The following PHTF2 variants were observed in gnomAD, a reference collection of about 807,000 sequenced individuals.
PHTF2 encodes the protein protein PHTF2.
A neutral mutation model predicts 101.2 loss-of-function variants in PHTF2; 60 were observed. The observed-to-expected ratio is 0.59, with a 90% CI of 0.48 to 0.73. The LOEUF (loss-of-function observed/expected upper bound fraction) is 0.73, where lower values mean the gene tolerates loss of function less well. Among genes scored for constraint, PHTF2 ranks in the 30% least tolerant of loss-of-function variants. The probability of loss-of-function intolerance (pLI) is 0.00; values close to 1 mark genes in which losing one functional copy is unlikely to be tolerated. For synonymous variants in PHTF2, 311 were observed against 307.3 expected (o/e 1.01, Z -0.13); for missense variants, 747 against 908.7 (o/e 0.82, Z 2.29).
At chr7:77,799,444 C>T (rs1053383813) in intron 1 of PHTF2, among the ~76,000 whole-genome samples, 3 of 152,126 alleles carry the variant, frequency 2.0e-5, no homozygotes, top group African/African-American at 4.8e-5. Context: ...GAGGGGGCGG[C>T]GGCTCGCGCG....
chr7:77,821,547 G>A (rs748961607), intron 1 of PHTF2, among the ~76,000 whole-genome samples: 28 of 152,046 alleles, frequency 1.8e-4, no homozygotes, highest in Non-Finnish European at 3.7e-4. Context: ...GGGAGCTCAG[G>A]AGTGTGTCCA....
intron 2 of PHTF2, among the ~76,000 whole-genome samples, chr7:77,845,021 G>C (rs1452031036): frequency 1.3e-5 from 2 of 152,220 alleles, no homozygotes; most frequent in Non-Finnish European, 2.9e-5. Context: ...GGAGAAACCA[G>C]AATAGTTTTT....
At chr7:77,915,603 A>T (rs1802837539) in intron 9 of PHTF2, among the ~76,000 whole-genome samples, 1 of 152,176 alleles carries the variant, frequency 6.6e-6, no homozygotes, top group Non-Finnish European at 1.5e-5. Context: ...GCAATTTACA[A>T]AAAAACATTT....
intron 9 of PHTF2, among the ~76,000 whole-genome samples, chr7:77,915,012 A>G (rs1802773670): frequency 1.3e-5 from 2 of 151,244 alleles, no homozygotes. Flanking sequence ...CCCGGGTTCA[A>G]GTGATTCTTC....
chr7:77,931,786 G>C (rs1283301657), intron 12 of PHTF2, among the ~76,000 whole-genome samples: 2 of 152,188 alleles, frequency 1.3e-5, no homozygotes, highest in Non-Finnish European at 2.9e-5. Flanking sequence ...GCCAATAATA[G>C]TGGAATTAAT....
chr7:77,949,297 A>G (rs1484565171), intron 16 of PHTF2, among the ~76,000 whole-genome samples: 1 of 152,148 alleles, frequency 6.6e-6, no homozygotes, highest in Non-Finnish European at 1.5e-5. Flanking sequence ...AAAAAATTAT[A>G]TAGTTCAAGG....
intron 9 of PHTF2, among the ~76,000 whole-genome samples, chr7:77,918,491 A>C (rs547772299): frequency 7.2e-5 from 11 of 152,236 alleles, no homozygotes; most frequent in Admixed American, 3.9e-4. Context: ...AACCTTTATA[A>C]ATACCTTTCC....
At chr7:77,812,343 G>T (rs1793505400) in intron 1 of PHTF2, among the ~76,000 whole-genome samples, 3 of 152,116 alleles carry the variant, frequency 2.0e-5, no homozygotes, top group Admixed American at 2.0e-4. Context: ...TAATTTTGAG[G>T]CAAGTTTTCC....
At chr7:77,888,200 C>T (rs1337262928) in intron 3 of PHTF2, among the ~76,000 whole-genome samples, 3 of 152,150 alleles carry the variant, frequency 2.0e-5, no homozygotes, top group Admixed American at 6.5e-5. Flanking sequence ...CCGCAACTTC[C>T]TCCTCCCGGG....
chr7:77,798,979 C>G lies in PHTF2; in HGVS notation c.-36+8C>G, dbSNP rs983498218. 1.1e-4 allele frequency: 17 copies of G among 152,640 alleles called. No individual in the cohort carries two copies. The highest frequency in any genetic ancestry group is 3.4e-4 in the African/African-American group (14 of 41,444). The allele number at this position is 152,640 out of a possible 1,614,324, so 9.5% of individuals were successfully genotyped here. On this transcript the variant is annotated splice_region_variant and intron_variant, in intron 1 of 19. Transcript: ENST00000416283. ...GCGGCGCTCGCTCCTACGGTAAGAG[C>G]GGCATCACCTCCGCGCTCGGGTGGG... is the stretch of plus-strand genomic sequence containing the variant.
intron 16 of PHTF2, among the ~76,000 whole-genome samples, chr7:77,948,575 G>C (rs1267024897): frequency 6.6e-6 from 1 of 152,024 alleles, no homozygotes; most frequent in African/African-American, 2.4e-5. Flanking sequence ...ATAGAACTAA[G>C]TTCTACAAAT....
At chr7:77,864,364 A>AACAAAAATTT (rs1476117508) in intron 3 of PHTF2, among the ~76,000 whole-genome samples, 1 of 152,208 alleles carries the variant, frequency 6.6e-6, no homozygotes, top group African/African-American at 2.4e-5. Context: ...ATTTATCTTA[A>AACAAAAATTT]ACAAAAATTT....
chr7:77,922,941 T>G, intron 11 of PHTF2, 163 bp downstream of exon 10: 2 of 1,362,250 alleles, frequency 1.5e-6, no homozygotes, highest in Non-Finnish European at 1.9e-6. Context: ...AGTTTTAGGT[T>G]TACGTATTGC....
intron 7 of PHTF2, among the ~76,000 whole-genome samples, chr7:77,908,285 C>T (rs1260949575): frequency 6.6e-6 from 1 of 152,044 alleles, no homozygotes; most frequent in Non-Finnish European, 1.5e-5. Flanking sequence ...ACAAGATTTC[C>T]CTTCATGTAG....
At chr7:77,888,654 T>A (rs1800087316) in intron 3 of PHTF2, among the ~76,000 whole-genome samples, 1 of 152,244 alleles carries the variant, frequency 6.6e-6, no homozygotes, top group Non-Finnish European at 1.5e-5. Context: ...ACCACTGATC[T>A]TCTTTTAATC....
intron 7 of PHTF2, among the ~76,000 whole-genome samples, chr7:77,905,912 T>A (rs1050947621): frequency 6.6e-6 from 1 of 152,234 alleles, no homozygotes; most frequent in African/African-American, 2.4e-5. Flanking sequence ...CACTGTCTAG[T>A]TCGTAGGACT....
chr7:77,841,408 T>C (rs1795878794), intron 2 of PHTF2, among the ~76,000 whole-genome samples: 1 of 152,132 alleles, frequency 6.6e-6, no homozygotes, highest in Admixed American at 6.5e-5. Flanking sequence ...TTTTGTTCAA[T>C]TGAAAATAAG....
intron 1 of PHTF2, among the ~76,000 whole-genome samples, chr7:77,803,312 TA>T (rs1792710663): frequency 6.6e-6 from 1 of 152,218 alleles, no homozygotes; most frequent in African/African-American, 2.4e-5. Flanking sequence ...AAGGGGCTGT[TA>T]AAAGTATATC....
chr7:77,815,849 A>G (rs1793809199), intron 1 of PHTF2, among the ~76,000 whole-genome samples: 1 of 152,172 alleles, frequency 6.6e-6, no homozygotes, highest in Non-Finnish European at 1.5e-5. Flanking sequence ...TCCTTTCTCT[A>G]CTATTGCTGT....
Sources: gnomAD v4.1 joint callset for allele counts (sites outside exome capture counted in the v4.1 genomes callset) on GRCh38, gnomAD v4.1.1 for gene constraint, MANE v1.5 for transcripts, NCBI Gene and HGNC (gene_info 2026-07-23, HGNC 2026-07-21) for gene names.